The following CXorf38 variants were observed in gnomAD, a reference collection of about 807,000 sequenced individuals.
CXorf38 encodes the protein chromosome X open reading frame 38, also known as uncharacterized protein CXorf38.
Under a neutral mutation model 27.5 loss-of-function variants are expected in CXorf38, and 13 were observed. That is an observed-to-expected ratio of 0.47 (90% CI 0.31 to 0.75). CXorf38 has a LOEUF of 0.75. Ranked by LOEUF, CXorf38 falls within the 30% of genes least tolerant of loss-of-function variation. CXorf38 has a pLI of 0.05. For synonymous variants in CXorf38, 100 were observed against 99.8 expected (o/e 1.00, Z -0.01); for missense variants, 240 against 253.2 (o/e 0.95, Z 0.35).
chrX:40,646,898 C>G (rs766870219), intron 2 of CXorf38, 109 bp downstream of exon 2: 2 of 934,500 alleles, frequency 2.1e-6, no homozygotes, highest in Non-Finnish European at 2.9e-6. Context: ...TGATCAATCT[C>G]TCTCTCTGCA....
Position 40,636,667 on chromosome X carries a change from G to A in CXorf38, c.667C>T (p.Arg223Ter), listed in dbSNP as rs749154771. 5 of 1,207,993 alleles carry A rather than the reference G, an allele frequency of 4.1e-6. No individual in the cohort carries two copies. The highest frequency in any genetic ancestry group is 4.4e-5 in the Admixed American group (2 of 45,689). Residue 223 changes from arginine (R) to a stop codon, truncating the protein, a stop_gained, in exon 5 of 7, where the codon CGA becomes TGA. Transcript: ENST00000327877. LOFTEE classifies it high-confidence loss of function. ...CCCATTTCACATTCACACCCATCTC[G>A]CTGATCTTCCTCGGGGATGTGAACA... Reference protein sequence around the residue: ...WAVHIPEEDQRDGCECEMGTY... With the variant: ...WAVHIPEEDQ
intron 2 of CXorf38, among the ~76,000 whole-genome samples, chrX:40,646,534 T>A (rs1342688739): frequency 2.7e-5 from 3 of 111,569 alleles, no homozygotes. Context: ...CCTACCCCAT[T>A]CCCAGCTACC....
chrX:40,627,057 C>T lies in CXorf38; in HGVS notation c.*3107G>A, dbSNP rs1927544106. The T allele has an allele frequency of 9.0e-6, 1 of 111,588 alleles. No homozygotes were observed. The allele number at this position is 111,588 out of a possible 1,213,427, so 9.2% of individuals were successfully genotyped here. On this transcript the variant is annotated 3_prime_UTR_variant, in exon 7 of 7. Coordinates refer to ENST00000327877, the MANE Select transcript of CXorf38 (RefSeq NM_144970.3). ...GAAAAGCCGAATATTCCTTCTAACTCTCCCCTCTACCTCAATTCCCTTCAG... is the reference window on the plus strand; with the variant it reads ...GAAAAGCCGAATATTCCTTCTAACTTTCCCCTCTACCTCAATTCCCTTCAG...
chrX:40,634,426 A>G (rs1164766664), intron 5 of CXorf38, among the ~76,000 whole-genome samples: 1 of 112,160 alleles, frequency 8.9e-6, no homozygotes, highest in East Asian at 2.8e-4. Flanking sequence ...CATTTATAAC[A>G]AAAGTCCTGG....
rs1462657519 is a variant in CXorf38 at position 40,631,250 on chromosome X, T to TAC, written c.802-478_802-477insGT. On this transcript the variant is annotated intron_variant, in intron 5 of 6. Coordinates refer to ENST00000327877, the MANE Select transcript of CXorf38 (RefSeq NM_144970.3). ...GTATATATATGTGTGTATGTATATA[T>TAC]ATATACACACACACACACACACACA... Among the ~76,000 whole-genome samples, 285 of 37,262 alleles carry TAC rather than the reference T, an allele frequency of 7.6e-3. 1 individual carries two copies. The highest frequency in any genetic ancestry group is 0.017 in the African/African-American group (171 of 9,879). The allele number at this position is 37,262 out of a possible 115,157, so 32.4% of individuals were successfully genotyped here.
Position 40,639,057 on chromosome X carries a change from G to A in CXorf38, c.423C>T (p.Leu141=), listed in dbSNP as rs1193358888. Residue 141 remains leucine, a synonymous_variant, in exon 3 of 7, where the codon CTC becomes CTT. Transcript: ENST00000327877. ...CCACGAAGTGATCGCAGGAGTTGAT[G>A]AGACTTAAAAGAGCAACTGCATCAC... The part of the protein sequence containing the change: ...EECDAVALLS[L]INSCDHFVVD... 3 of 1,209,175 alleles carry A rather than the reference G, an allele frequency of 2.5e-6. No homozygotes were observed. Among genetic ancestry groups the A allele is most frequent in the Non-Finnish European group, 3.4e-6 (3 of 894,368 alleles).
At chrX:40,639,257 G>A in intron 2 of CXorf38, 129 bp from the exon 3 acceptor site, 1 of 671,549 alleles carries the variant, frequency 1.5e-6, no homozygotes, top group Non-Finnish European at 2.2e-6. Flanking sequence ...TCAACTTAAA[G>A]CCTCATGAGC....
intron 5 of CXorf38, among the ~76,000 whole-genome samples, chrX:40,633,590 C>T (rs912214742): frequency 7.2e-5 from 8 of 111,397 alleles, no homozygotes; most frequent in Non-Finnish European, 1.5e-4. Context: ...GCTTCTAGAA[C>T]TGTGCCTGGC....
Position 40,647,027 on chromosome X carries a change from C to T in CXorf38, c.331G>A (p.Asp111Asn). 8.3e-7 allele frequency: 1 copy of T among 1,211,925 alleles called. No individual in the cohort carries two copies. The highest frequency in any genetic ancestry group is 3.0e-5 in the East Asian group (1 of 33,792). The change falls in exon 2 of 7, where the codon GAC becomes AAC. Residue 111 changes from aspartate to asparagine, a missense_variant. By Grantham distance (23) the Asp-to-Asn change is conservative. Coordinates refer to ENST00000327877, the MANE Select transcript of CXorf38 (RefSeq NM_144970.3). Reference protein sequence around the residue: ...GNCRPGRWPVDAWEVAKAFMP... With the variant: ...GNCRPGRWPVNAWEVAKAFMP... ...CTTACCTTGGCCACCTCCCAGGCGT[C>T]CACGGGCCAGCGGCCCGGCCGGCAG... is the stretch of plus-strand genomic sequence containing the variant.
chrX:40,628,884 G>C lies in CXorf38; in HGVS notation c.*1280C>G, dbSNP rs1445687916. Reference sequence around the variant, plus strand: ...CTGCTCCTGCCTGACATCCCCGCTTGTAATGCTGGCCTGGGTCCTGCCTGT... The same window carrying C: ...CTGCTCCTGCCTGACATCCCCGCTTCTAATGCTGGCCTGGGTCCTGCCTGT... On this transcript the variant is annotated 3_prime_UTR_variant, in exon 7 of 7. Transcript: ENST00000327877. 1 of 111,212 alleles carries C rather than the reference G, an allele frequency of 9.0e-6. No homozygotes were observed. The highest frequency in any genetic ancestry group is 1.9e-5 in the Non-Finnish European group (1 of 53,071). 9.2% of individuals were successfully genotyped at this position (111,212 alleles called of 1,213,427 possible). A position where few individuals can be genotyped will look rare whatever the true frequency, so the allele number is the denominator to read the frequency against.
intron 5 of CXorf38, among the ~76,000 whole-genome samples, chrX:40,633,405 C>T (rs1278867045): frequency 9.0e-6 from 1 of 111,474 alleles, no homozygotes; most frequent in East Asian, 2.8e-4. Flanking sequence ...CCTAACTACC[C>T]TACTGCAACC....
rs1363673998 is a variant in CXorf38, at chrX:40,630,577, C to G, written c.*1+37G>C. The G allele has an allele frequency of 6.0e-6, 7 of 1,166,422 alleles. No individual in the cohort carries two copies. The South Asian group carries it at 1.3e-4, about 22-fold the overall frequency. On this transcript the variant is annotated intron_variant, in intron 6 of 6. Transcript: ENST00000327877. Reference sequence around the variant, plus strand: ...TAGACATGAAAGAGATGAGGTGATTCTGTCCTTCTTTAACACCATCATCTG... The same window carrying G: ...TAGACATGAAAGAGATGAGGTGATTGTGTCCTTCTTTAACACCATCATCTG...
rs1928668744 is a variant in CXorf38 at position 40,647,537 on chromosome X, CAGG to C, written c.-20_-18del. On this transcript the variant is annotated 5_prime_UTR_variant, in exon 1 of 7. Transcript: ENST00000327877. ...CAGCACCATGTCTCCCACTTGGAAC[CAGG>C]AGGTTGCGGGGCGTGGCGGACGGCA... is the stretch of plus-strand genomic sequence containing the variant. 8.5e-7 allele frequency: 1 copy of C among 1,176,602 alleles called. No individual in the cohort carries two copies.
intron 5 of CXorf38, among the ~76,000 whole-genome samples, chrX:40,636,309 T>C (rs1025836441): frequency 8.9e-6 from 1 of 112,664 alleles, no homozygotes; most frequent in Admixed American, 9.4e-5. Context: ...TTTTTCCACT[T>C]TGTGGCACAG....
Position 40,629,057 on chromosome X carries a change from C to T in CXorf38, c.*1107G>A, listed in dbSNP as rs756188585. Reference sequence around the variant, plus strand: ...TGAGACAGGGTCTTGTTCTGCTACCCAGGCTGGAGTGCAGTGGCATGATCA... The same window carrying T: ...TGAGACAGGGTCTTGTTCTGCTACCTAGGCTGGAGTGCAGTGGCATGATCA... On this transcript the variant is annotated 3_prime_UTR_variant, in exon 7 of 7. Transcript: ENST00000327877. The T allele has an allele frequency of 9.1e-6, 1 of 110,185 alleles. No homozygotes were observed. The highest frequency in any genetic ancestry group is 4.0e-4 in the South Asian group (1 of 2,489). The allele number at this position is 110,185 out of a possible 1,213,427, so 9.1% of individuals were successfully genotyped here.
rs56725827 is a variant in CXorf38 at position 40,631,254 on chromosome X, T to TAC, written c.802-483_802-482dup. On this transcript the variant is annotated intron_variant, in intron 5 of 6. Coordinates refer to ENST00000327877, the MANE Select transcript of CXorf38 (RefSeq NM_144970.3). The stretch of plus-strand genomic sequence containing the variant: ...ATATATGTGTGTATGTATATATATA[T>TAC]ACACACACACACACACACACACACA... Among the ~76,000 whole-genome samples, 760 of 88,919 alleles carry TAC rather than the reference T, an allele frequency of 8.5e-3. 2 individuals are homozygous for TAC. The highest frequency in any genetic ancestry group is 0.021 in the African/African-American group (491 of 23,537). 77.2% of individuals were successfully genotyped at this position (88,919 alleles called of 115,157 possible).
Position 40,630,695 on chromosome X carries a change from G to T in CXorf38, c.880C>A (p.Gln294Lys), listed in dbSNP as rs142743216. The T allele has an allele frequency of 1.4e-4, 167 of 1,207,454 alleles. No homozygotes were observed. In the African/African-American group the frequency reaches 2.7e-3, roughly 19 times the overall value. ...TGTAGACAGAGGCTGTCTAGCTTCT[G>T]CATATCTTCTGTAAGGCCATTTCTA... The part of the protein sequence containing the change: ...DLRNGLTEDM[Q>K]KLDSLCLHQK... Residue 294 changes from glutamine (Q) to lysine (K), a missense_variant, in exon 6 of 7, where the codon CAG (glutamine) becomes AAG (lysine). Gln to Lys is a moderately conservative substitution (Grantham distance 53, BLOSUM62 1). Coordinates refer to ENST00000327877, the MANE Select transcript of CXorf38 (RefSeq NM_144970.3).
chrX:40,646,893 A>T, intron 2 of CXorf38, 114 bp downstream of exon 2: 2 of 859,724 alleles, frequency 2.3e-6, no homozygotes, highest in Non-Finnish European at 3.2e-6. Context: ...ACCCTTGATC[A>T]ATCTCTCTCT....
At chrX:40,630,823 T>C (rs1473870437) in intron 5 of CXorf38, 50 bp from the exon 6 acceptor site, 4 of 1,135,748 alleles carry the variant, frequency 3.5e-6, no homozygotes, top group Non-Finnish European at 4.7e-6. Context: ...TTATAGCAGA[T>C]TTGTAATTCA....
Sources: gnomAD v4.1 joint callset for allele counts (sites outside exome capture counted in the v4.1 genomes callset) on GRCh38, gnomAD v4.1.1 for gene constraint, MANE v1.5 for transcripts, NCBI Gene and HGNC (gene_info 2026-07-23, HGNC 2026-07-21) for gene names.